The following DIAPH1 variants were observed in gnomAD, a reference collection of about 807,000 sequenced individuals.
DIAPH1 encodes the protein diaphanous related formin 1.
DIAPH1 carries 46 observed loss-of-function variants against 140.7 expected under a neutral mutation model. The observed-to-expected ratio is 0.33, with a 90% CI of 0.26 to 0.42. The LOEUF (loss-of-function observed/expected upper bound fraction) is 0.42, where lower values mean the gene tolerates loss of function less well. Ranked by LOEUF, DIAPH1 falls within the 10% of genes least tolerant of loss-of-function variation. DIAPH1 has a pLI of 1.00. For missense variants in DIAPH1, 1,310 were observed against 1,558.7 expected (o/e 0.84, Z 2.69); for synonymous variants, 565 against 551.6 (o/e 1.02, Z -0.34).
chr5:141,588,020 C>A (rs2099897802), intron 2 of DIAPH1, among the ~76,000 whole-genome samples: 1 of 152,162 alleles, frequency 6.6e-6, no homozygotes, highest in African/African-American at 2.4e-5. Context: ...AAAGAGCATG[C>A]CTAACTTCGG....
At chr5:141,567,438 A>G (rs1028054476) in intron 18 of DIAPH1, among the ~76,000 whole-genome samples, 6 of 152,216 alleles carry the variant, frequency 3.9e-5, no homozygotes, top group Non-Finnish European at 7.3e-5. Flanking sequence ...TCTTTGTGCT[A>G]GTAGTCTGAC....
At chr5:141,552,716 C>A (rs796695137) in intron 18 of DIAPH1, among the ~76,000 whole-genome samples, 9 of 152,206 alleles carry the variant, frequency 5.9e-5, no homozygotes, top group African/African-American at 2.2e-4. Context: ...TTAAGTACTT[C>A]AAATCTGATG....
chr5:141,612,819 A>C (rs1469058133), intron 1 of DIAPH1, among the ~76,000 whole-genome samples: 1 of 152,214 alleles, frequency 6.6e-6, no homozygotes, highest in Non-Finnish European at 1.5e-5. Flanking sequence ...ACTTGATCTT[A>C]AAGTTCTGAC....
chr5:141,588,235 T>A lies in DIAPH1; in HGVS notation c.133A>T (p.Met45Leu). ...CAAAATGTCCTTACCTCATCTGCCA[T>A]GAGCCGCTTCAGAGTCTAGGAAACA... Reference protein sequence around the residue: ...KSKKFTLKRLMADELERFTSM... With the variant: ...KSKKFTLKRLLADELERFTSM... The change falls in exon 2 of 28, where the codon ATG becomes TTG. Residue 45 changes from methionine (M) to leucine (L), a missense_variant. By Grantham distance (15) the Met-to-Leu change is conservative. Coordinates refer to ENST00000389054, the MANE Select transcript of DIAPH1 (RefSeq NM_005219.5). 1 of 1,612,592 alleles carries A rather than the reference T, an allele frequency of 6.2e-7. No homozygotes were observed. The highest frequency in any genetic ancestry group is 8.5e-7 in the Non-Finnish European group (1 of 1,178,772).
intron 1 of DIAPH1, among the ~76,000 whole-genome samples, chr5:141,611,884 T>C (rs1472228417): frequency 6.6e-6 from 1 of 152,098 alleles, no homozygotes; most frequent in African/African-American, 2.4e-5. Context: ...TTGGCCAACA[T>C]GATGAAACCC....
intron 18 of DIAPH1, among the ~76,000 whole-genome samples, chr5:141,548,711 T>G (rs1387254220): frequency 6.6e-6 from 1 of 152,000 alleles, no homozygotes; most frequent in Non-Finnish European, 1.5e-5. Flanking sequence ...GAGGCTCAGG[T>G]GGGAGAATCA....
intron 18 of DIAPH1, among the ~76,000 whole-genome samples, chr5:141,545,093 T>C (rs971925984): frequency 6.6e-6 from 1 of 152,192 alleles, no homozygotes; most frequent in Non-Finnish European, 1.5e-5. Flanking sequence ...TCTACTTATA[T>C]GACAGTCTGA....
At chr5:141,578,869 T>C (rs1489014621) in intron 9 of DIAPH1, among the ~76,000 whole-genome samples, 1 of 152,226 alleles carries the variant, frequency 6.6e-6, no homozygotes, top group Non-Finnish European at 1.5e-5. Context: ...TCCTAGATTG[T>C]AAATAGATAT....
chr5:141,557,213 A>T (rs2099892748), intron 18 of DIAPH1, among the ~76,000 whole-genome samples: 1 of 152,206 alleles, frequency 6.6e-6, no homozygotes, highest in Admixed American at 6.5e-5. Context: ...TTTAAATGTG[A>T]TAATGGTAGT....
intron 18 of DIAPH1, among the ~76,000 whole-genome samples, chr5:141,543,016 C>T (rs1027129535): frequency 4.0e-5 from 6 of 150,898 alleles, no homozygotes; most frequent in Non-Finnish European, 8.8e-5. Flanking sequence ...TTAGAAGATG[C>T]ATGCTGAAGA....
chr5:141,579,099 T>C lies in DIAPH1; in HGVS notation c.922A>G (p.Ile308Val), dbSNP rs752555506. Residue 308 changes from isoleucine to valine, a missense_variant, in exon 9 of 28, where the codon ATT becomes GTT. This residue lies in a region of DIAPH1 where 377 missense variants were observed against 497.1 expected (regional missense o/e 0.76). Coordinates refer to ENST00000389054, the MANE Select transcript of DIAPH1 (RefSeq NM_005219.5). ...LLDGLKSGTT[I>V]ALKVGCLQLI... ...GGGGATATACATGCCTTCAGTGCAATAGTGGTTCCACTTTTTAATCCATCC... is the reference window on the plus strand; with the variant it reads ...GGGGATATACATGCCTTCAGTGCAACAGTGGTTCCACTTTTTAATCCATCC... The C allele has an allele frequency of 1.2e-5, 20 of 1,613,530 alleles. No homozygotes were observed. The Admixed American group carries it at 2.0e-4, about 16-fold the overall frequency.
chr5:141,618,160 T>C (rs2154597537), intron 1 of DIAPH1, among the ~76,000 whole-genome samples: 1 of 152,336 alleles, frequency 6.6e-6, no homozygotes, highest in East Asian at 1.9e-4. Context: ...ATAAACGTCA[T>C]GCCCCAGTGA....
rs79458051 is a variant in DIAPH1 at position 141,570,289 on chromosome 5, T to C, written c.2482+1139A>G. 1.7e-3 allele frequency among the ~76,000 whole-genome samples: 254 copies of C among 152,298 alleles called. 2 individuals carry two copies. Among genetic ancestry groups the C allele is most frequent in the African/African-American group, 5.6e-3 (231 of 41,556 alleles). On this transcript the variant is annotated intron_variant, in intron 18 of 27. Coordinates refer to ENST00000389054, the MANE Select transcript of DIAPH1 (RefSeq NM_005219.5). ...TGTGAACTTACAAATTAGAAAATCA[T>C]TTAATTTTGACTTTGTCAACTAGTC...
chr5:141,579,357 T>A (rs547543948), intron 8 of DIAPH1, among the ~76,000 whole-genome samples, 161 bp from the exon 9 acceptor site: 16 of 152,328 alleles, frequency 1.1e-4, no homozygotes, highest in Non-Finnish European at 1.5e-4. Flanking sequence ...TTCCAGAAAC[T>A]GCTGAAAGCT....
intron 18 of DIAPH1, among the ~76,000 whole-genome samples, chr5:141,569,217 ACTTT>A (rs2099894797): frequency 6.6e-6 from 1 of 152,128 alleles, no homozygotes; most frequent in South Asian, 2.1e-4. Context: ...TAGAGCAAGG[ACTTT>A]GGAGTCACTG....
At chr5:141,580,083 G>A (rs759972828) in intron 8 of DIAPH1, among the ~76,000 whole-genome samples, 2 of 151,996 alleles carry the variant, frequency 1.3e-5, no homozygotes, top group Admixed American at 6.6e-5. Context: ...TGTAAGTACC[G>A]ACATAGAAGA....
chr5:141,515,266 G>A lies in DIAPH1; in HGVS notation c.*1585C>T, dbSNP rs891016141. ...GGAGCAACAGACGCCCTGCATCAGA[G>A]TCCTCCCAGGAATAGTCCAAAGGAG... is the stretch of plus-strand genomic sequence containing the variant. On this transcript the variant is annotated 3_prime_UTR_variant, in exon 28 of 28. Transcript: ENST00000389054. The A allele has an allele frequency of 2.6e-5, 4 of 152,392 alleles. No homozygotes were observed. Among genetic ancestry groups the A allele is most frequent in the Non-Finnish European group, 5.9e-5 (4 of 68,040 alleles). 9.4% of individuals were successfully genotyped at this position (152,392 alleles called of 1,614,324 possible).
At chr5:141,545,217 C>T (rs959833426) in intron 18 of DIAPH1, among the ~76,000 whole-genome samples, 5 of 151,928 alleles carry the variant, frequency 3.3e-5, no homozygotes, top group Non-Finnish European at 5.9e-5. Flanking sequence ...ATTATATGGC[C>T]GTATACATTT....
chr5:141,540,784 G>A (rs1197593272), intron 18 of DIAPH1, among the ~76,000 whole-genome samples: 1 of 151,972 alleles, frequency 6.6e-6, no homozygotes, highest in East Asian at 2.0e-4. Flanking sequence ...TTCAGGCCCT[G>A]TGTGGTGGCT....
Sources: gnomAD v4.1 joint callset for allele counts (sites outside exome capture counted in the v4.1 genomes callset) on GRCh38, gnomAD v4.1.1 for gene constraint, gnomAD v4.1.1 regional missense constraint, MANE v1.5 for transcripts, NCBI Gene and HGNC (gene_info 2026-07-23, HGNC 2026-07-21) for gene names.